USP33: variants seen among roughly 807,000 people sequenced by gnomAD.
The protein encoded by USP33 is ubiquitin carboxyl-terminal hydrolase 33.
Under a neutral mutation model 124.2 loss-of-function variants are expected in USP33, and 46 were observed. The observed-to-expected ratio is 0.37, with a 90% confidence interval of 0.29 to 0.47. The LOEUF (loss-of-function observed/expected upper bound fraction) is 0.47, where lower values mean the gene tolerates loss of function less well. Among genes scored for constraint, USP33 ranks in the 20% least tolerant of loss-of-function variants. The probability of loss-of-function intolerance (pLI) is 0.99; values close to 1 mark genes in which losing one functional copy is unlikely to be tolerated. For missense variants in USP33, 851 were observed against 1,070.6 expected (o/e 0.79, Z 2.86); for synonymous variants, 350 against 352.3 (o/e 0.99, Z 0.07).
chr1:77,711,680 A>G, intron 21 of USP33, 67 bp downstream of exon 21: 1 of 1,566,636 alleles, frequency 6.4e-7, no homozygotes, highest in Non-Finnish European at 8.6e-7. Context: ...TTAATATCAT[A>G]TAACTCTGAT....
At chr1:77,740,680 T>C (rs1486542186) in intron 4 of USP33, among the ~76,000 whole-genome samples, 197 bp downstream of exon 4, 1 of 152,240 alleles carries the variant, frequency 6.6e-6, no homozygotes, top group Non-Finnish European at 1.5e-5. Flanking sequence ...AAATCAGTGC[T>C]TTCTTAATCA....
intron 6 of USP33, 34 bp downstream of exon 6, chr1:77,736,022 C>T (rs1364881253): frequency 1.5e-5 from 22 of 1,453,682 alleles, no homozygotes; most frequent in Non-Finnish European, 1.8e-5. Context: ...ATGGGCAGTG[C>T]CATACAAAGA....
intron 21 of USP33, among the ~76,000 whole-genome samples, chr1:77,706,451 C>G (rs887939833): frequency 6.6e-6 from 1 of 152,126 alleles, no homozygotes; most frequent in Non-Finnish European, 1.5e-5. Context: ...TTTGATGACA[C>G]GTGATTTGTA....
chr1:77,711,919 G>A, intron 20 of USP33, 64 bp from the exon 21 acceptor site: 5 of 1,435,606 alleles, frequency 3.5e-6, no homozygotes, highest in South Asian at 2.7e-5. Flanking sequence ...TTAAGTCAGT[G>A]GCCAAATACC....
At chr1:77,742,646 A>G (rs2101561466) in intron 1 of USP33, among the ~76,000 whole-genome samples, 1 of 152,248 alleles carries the variant, frequency 6.6e-6, no homozygotes, top group Admixed American at 6.5e-5. Flanking sequence ...GTATTCCTAG[A>G]TCTTTTGGTT....
At chr1:77,756,904 A>T (rs1019555778) in intron 1 of USP33, among the ~76,000 whole-genome samples, 1 of 152,218 alleles carries the variant, frequency 6.6e-6, no homozygotes, top group Non-Finnish European at 1.5e-5. Context: ...TCAATCTTCT[A>T]ACAGTTACAG....
At position 77,750,274 on chromosome 1, in the gene USP33, C is replaced by T. The variant is rs184885597; in HGVS notation, c.-51-8526G>A. Reference sequence around the variant, plus strand: ...CAGAGGTTGCAGTGAGCCGTGATCACGCCACTGCACACCAGCCTGGGCAAC... The same window carrying T: ...CAGAGGTTGCAGTGAGCCGTGATCATGCCACTGCACACCAGCCTGGGCAAC... On this transcript the variant is annotated intron_variant, in intron 1 of 23. Transcript: ENST00000370794. Among the ~76,000 whole-genome samples the T allele has an allele frequency of 1.9e-3, 289 of 151,872 alleles. 1 individual carries two copies. Among genetic ancestry groups the T allele is most frequent in the African/African-American group, 6.5e-3 (270 of 41,414 alleles).
chr1:77,742,916 T>C (rs1344231806), intron 1 of USP33, among the ~76,000 whole-genome samples: 1 of 84,468 alleles, frequency 1.2e-5, no homozygotes, highest in African/African-American at 5.3e-5. Flanking sequence ...CTGCCTTTTA[T>C]TATTTATTTA....
At chr1:77,741,540 T>C in intron 2 of USP33, 77 bp downstream of exon 2, 1 of 1,535,664 alleles carries the variant, frequency 6.5e-7, no homozygotes, top group Non-Finnish European at 8.8e-7. Flanking sequence ...TCATAGAGTA[T>C]TACAGTAATT....
chr1:77,722,228 G>C, intron 12 of USP33, 32 bp from the exon 13 acceptor site: 2 of 1,580,624 alleles, frequency 1.3e-6, no homozygotes, highest in Non-Finnish European at 1.7e-6. Context: ...AAAATGGGAT[G>C]AACATAATGC....
chr1:77,743,251 T>G (rs1478462659), intron 1 of USP33, among the ~76,000 whole-genome samples: 2 of 152,160 alleles, frequency 1.3e-5, no homozygotes, highest in Non-Finnish European at 2.9e-5. Flanking sequence ...GGCCTCTGTC[T>G]GCCTTTTAAA....
chr1:77,753,744 T>C (rs909571155), intron 1 of USP33, among the ~76,000 whole-genome samples: 1 of 151,382 alleles, frequency 6.6e-6, no homozygotes, highest in Admixed American at 6.6e-5. Context: ...AAAACACTGA[T>C]CTAATTACAA....
chr1:77,742,745 G>A (rs564524011), intron 1 of USP33, among the ~76,000 whole-genome samples: 5 of 152,166 alleles, frequency 3.3e-5, no homozygotes, highest in South Asian at 2.1e-4. Flanking sequence ...GAACTTGCTA[G>A]GATAGAATGA....
At position 77,741,358 on chromosome 1, in the gene USP33, G is replaced by GA. The variant is rs774383659; in HGVS notation, c.135+17dup. 2 of 1,580,456 alleles carry GA rather than the reference G, an allele frequency of 1.3e-6. No individual in the cohort carries two copies. The highest frequency in any genetic ancestry group is 1.4e-5 in the African/African-American group (1 of 73,370). ...ATTATTATTATAGCAATCTTTTCAG[G>GA]AAAAAACATATACACACCTCCAGAC... On this transcript the variant is annotated intron_variant, in intron 3 of 23. Coordinates refer to ENST00000370794, the MANE Select transcript of USP33 (RefSeq NM_201624.3).
chr1:77,745,189 A>G (rs6603959), intron 1 of USP33, among the ~76,000 whole-genome samples: 151,589 of 152,340 alleles, frequency 1, 75,424 homozygotes, highest in Middle Eastern at 1. Flanking sequence ...TGCCTTCTTC[A>G]TCTCTTTTGA....
Position 77,721,099 on chromosome 1 carries a change from C to T in USP33, c.1691+73G>A. ...TTTCTAAATACAGTGGCAAATTTAA[C>T]TCCACATACCCAATTCTAAAAACCA... On this transcript the variant is annotated intron_variant, in intron 15 of 23. Transcript: ENST00000370794. 1.9e-6 allele frequency: 3 copies of T among 1,547,336 alleles called. No homozygotes were observed. The South Asian group carries it at 3.4e-5, about 17-fold the overall frequency.
At chr1:77,747,530 T>C (rs1679866922) in intron 1 of USP33, among the ~76,000 whole-genome samples, 1 of 152,158 alleles carries the variant, frequency 6.6e-6, no homozygotes, top group Non-Finnish European at 1.5e-5. Context: ...AGCGCTGGGA[T>C]TATAAGCATG....
intron 21 of USP33, among the ~76,000 whole-genome samples, chr1:77,708,804 T>C (rs1317518454): frequency 6.6e-6 from 1 of 152,116 alleles, no homozygotes; most frequent in Non-Finnish European, 1.5e-5. Flanking sequence ...TGGTGCCATG[T>C]TCTTCTAATT....
intron 1 of USP33, among the ~76,000 whole-genome samples, chr1:77,748,763 G>A (rs201300284): frequency 4.3e-5 from 6 of 138,624 alleles, no homozygotes; most frequent in Non-Finnish European, 9.2e-5. Flanking sequence ...GTTCTTTTTT[G>A]GCAGCATTCC....
Sources: allele counts gnomAD v4.1 joint callset (sites outside exome capture counted in the v4.1 genomes callset), GRCh38; gene constraint gnomAD v4.1.1; transcripts MANE v1.5; gene names NCBI Gene and HGNC (gene_info 2026-07-23, HGNC 2026-07-21).